Variants in GALK1 observed in about 807,000 individuals in gnomAD.
The protein encoded by GALK1 is galactokinase 1.
GALK1 carries 30 observed loss-of-function variants against 38.6 expected under a neutral mutation model. That is an observed-to-expected ratio of 0.78 (90% CI 0.58 to 1.05). The LOEUF is 1.05. Ranked by LOEUF, GALK1 falls within the 50% of genes least tolerant of loss-of-function variation. The pLI, the probability that GALK1 is intolerant of heterozygous loss-of-function variation, is 0.00. For synonymous variants in GALK1, 240 were observed against 233.6 expected, an observed-to-expected ratio of 1.03 and a Z score of -0.25; for missense variants, 512 against 540.5, an observed-to-expected ratio of 0.95 and a Z score of 0.52.
chr17:75,754,418 C>G (rs1368619998), downstream of GALK1: 1 of 859,972 alleles, frequency 1.2e-6, no homozygotes, highest in Non-Finnish European at 1.8e-6. Context: ...CCTGCAGGGA[C>G]AGAGGGCCTC....
downstream of GALK1, chr17:75,754,012 C>T (rs1010077000): frequency 4.2e-6 from 4 of 953,946 alleles, no homozygotes; most frequent in African/African-American, 3.4e-5. Flanking sequence ...TCCGCGCCCA[C>T]CCAGCCTCAC....
At chr17:75,762,203 G>C (rs2061590249) in intron 5 of GALK1, among the ~76,000 whole-genome samples, 1 of 152,148 alleles carries the variant, frequency 6.6e-6, no homozygotes, top group African/African-American at 2.4e-5. Context: ...TGTAATCTCA[G>C]CTACTTGGAA....
At chr17:75,762,339 G>A (rs923394927) in intron 5 of GALK1, among the ~76,000 whole-genome samples, 2 of 150,806 alleles carry the variant, frequency 1.3e-5, no homozygotes, top group African/African-American at 4.9e-5. Context: ...GGGTGGGGGG[G>A]GAAAGTGATG....
At chr17:75,752,474 G>A (rs2061390903) in intron 8 of GALK1, 1 of 1,613,620 alleles carries the variant, frequency 6.2e-7, no homozygotes, top group Non-Finnish European at 8.5e-7. Flanking sequence ...TCCCTATCGT[G>A]GACGCCCAGA....
At position 75,757,930 on chromosome 17, in the gene GALK1, A is replaced by T; in HGVS notation, c.*126T>A. 1.9e-6 allele frequency: 2 copies of T among 1,072,734 alleles called. No individual in the cohort carries two copies. Among genetic ancestry groups the T allele is most frequent in the Non-Finnish European group, 2.8e-6 (2 of 718,462 alleles). The allele number at this position is 1,072,734 out of a possible 1,614,324, so 66.5% of individuals were successfully genotyped here. On this transcript the variant is annotated 3_prime_UTR_variant, in exon 8 of 8. Transcript: ENST00000588479. ...CCAAGCATACACCCACCTCTAGAGG[A>T]GGCAGGTACCACATTGGAGGCACAA...
At chr17:75,757,748 A>C (rs967874989), downstream of GALK1, 10 of 756,192 alleles carry the variant, frequency 1.3e-5, no homozygotes, top group Middle Eastern at 3.7e-4. Context: ...CCTATTTGTA[A>C]CCAAAGAGCT....
intron 8 of GALK1, chr17:75,752,663 C>G: frequency 6.5e-7 from 1 of 1,537,742 alleles, no homozygotes; most frequent in South Asian, 1.1e-5. Context: ...GGCAAAGGGG[C>G]CAGCAACTAG....
At chr17:75,764,288 G>A (rs368011093) in intron 1 of GALK1, 9 of 759,310 alleles carry the variant, frequency 1.2e-5, no homozygotes, top group African/African-American at 8.5e-5. Context: ...GGGGCGGGGC[G>A]GCTGCAGCTG....
chr17:75,752,239 A>C, intron 8 of GALK1: 2 of 1,613,764 alleles, frequency 1.2e-6, no homozygotes, highest in Non-Finnish European at 1.7e-6. Context: ...GCTTATTGAG[A>C]ACCTTCGGGA....
intron 5 of GALK1, among the ~76,000 whole-genome samples, chr17:75,762,048 G>A (rs956314558): frequency 3.9e-5 from 6 of 152,198 alleles, no homozygotes. Flanking sequence ...AAATGGGCTG[G>A]GCGCAGTGGC....
chr17:75,754,523 G>A (rs1353997419), downstream of GALK1: 52 of 1,610,648 alleles, frequency 3.2e-5, no homozygotes, highest in Middle Eastern at 1.7e-4. Flanking sequence ...CCTGCCCCAC[G>A]GGGCCCGGGT....
downstream of GALK1, chr17:75,755,644 C>T (rs1415327145): frequency 1.2e-6 from 2 of 1,605,370 alleles, no homozygotes; most frequent in Non-Finnish European, 1.7e-6. Context: ...AGCACTGTGA[C>T]TCCCACTGAG....
In GALK1 at chr17:75,752,400, G is replaced by GT. The variant is rs768981787; in HGVS notation, c.*23-664_*23-663insA. The GT allele has an allele frequency of 9.3e-6, 15 of 1,612,736 alleles. No homozygotes were observed. The African/African-American group carries it at 2.0e-4, about 21-fold the overall frequency. ...GGTGAGGGGCAGACCGGGCAGGGGGGCAGGGGGCAGCAGCCAGGGCCCTGG... is the reference window on the plus strand; with the variant it reads ...GGTGAGGGGCAGACCGGGCAGGGGGGTCAGGGGGCAGCAGCCAGGGCCCTGG... On this transcript the variant is annotated intron_variant, in intron 8 of 8. Coordinates refer to the GALK1 transcript ENST00000225614.
At chr17:75,753,831 T>C, downstream of GALK1, 1 of 1,456,872 alleles carries the variant, frequency 6.9e-7, no homozygotes, top group Non-Finnish European at 9.0e-7. Flanking sequence ...ACGTGGCGGC[T>C]GCCCCCGGAG....
intron 5 of GALK1, among the ~76,000 whole-genome samples, chr17:75,760,418 G>A (rs2061582444): frequency 6.6e-6 from 1 of 151,276 alleles, no homozygotes; most frequent in African/African-American, 2.4e-5. Flanking sequence ...TGTGTCTCTT[G>A]ACTCTGTAAT....
chr17:75,760,627 T>A (rs1388383775), intron 5 of GALK1, among the ~76,000 whole-genome samples: 10 of 147,724 alleles, frequency 6.8e-5, no homozygotes, highest in South Asian at 2.2e-4. Flanking sequence ...AAAAAAAAAA[T>A]TAACTCGCTC....
downstream of GALK1, chr17:75,753,770 G>A (rs758042290): frequency 2.2e-5 from 32 of 1,446,874 alleles, no homozygotes; most frequent in Middle Eastern, 2.1e-4. Flanking sequence ...CCAAGGCTGC[G>A]GCTGGAAGTT....
chr17:75,761,392 C>T lies in GALK1; in HGVS notation c.793+1312G>A, dbSNP rs536076234. Among the ~76,000 whole-genome samples, 6 of 151,390 alleles carry T rather than the reference C, an allele frequency of 4.0e-5. No homozygotes were observed. The East Asian group carries it at 7.8e-4, about 20-fold the overall frequency. ...ATCCTAGCACATTGGGAGGCTGAGG[C>T]GGGCAGATCACGAGATCAGGAGTTC... On this transcript the variant is annotated intron_variant, in intron 5 of 7. Transcript: ENST00000588479.
At chr17:75,755,355 C>T (rs2061472771), downstream of GALK1, 6 of 907,950 alleles carry the variant, frequency 6.6e-6, 1 homozygote, top group African/African-American at 5.0e-5. Context: ...CGCTAACCAC[C>T]TGCCCTACCA....
Sources: gnomAD v4.1 joint callset for allele counts (sites outside exome capture counted in the v4.1 genomes callset) on GRCh38, gnomAD v4.1.1 for gene constraint, MANE v1.5 for transcripts, NCBI Gene and HGNC (gene_info 2026-07-23, HGNC 2026-07-21) for gene names.